The following PIGW variants were observed in gnomAD, a reference collection of about 807,000 sequenced individuals.
The protein encoded by PIGW is phosphatidylinositol glycan anchor biosynthesis class W, also known as glucosaminyl-phosphatidylinositol-acyltransferase PIGW.
In PIGW, 23 loss-of-function variants were observed where a neutral mutation model predicts 34.0. That is an observed-to-expected ratio of 0.68 (90% CI 0.49 to 0.96). The LOEUF (loss-of-function observed/expected upper bound fraction) is 0.96, where lower values mean the gene tolerates loss of function less well. PIGW is among the 40% of genes least tolerant of loss of function. The pLI is 0.00. For synonymous variants in PIGW, 225 were observed against 225.2 expected (o/e 1.00, Z 0.01); for missense variants, 574 against 586.3 (o/e 0.98, Z 0.22).
At chr17:36,536,524 CTTTTTTTTT>C (rs10715370) in intron 1 of PIGW, among the ~76,000 whole-genome samples, 2 of 125,532 alleles carry the variant, frequency 1.6e-5, no homozygotes, top group African/African-American at 2.9e-5. Context: ...TTTTCTTTTC[CTTTTTTTTT>C]TTTTTTTTTT....
rs1240854434 is a variant in PIGW at position 36,537,760 on chromosome 17, T to G, written c.659T>G (p.Ile220Arg). 6.2e-7 allele frequency: 1 copy of G among 1,614,192 alleles called. No individual in the cohort carries two copies. The highest frequency in any genetic ancestry group is 2.2e-5 in the East Asian group (1 of 44,886). The change falls in exon 2 of 2, where the codon ATA (isoleucine) becomes AGA (arginine). Residue 220 changes from isoleucine to arginine, a missense_variant. Coordinates refer to ENST00000614443, the MANE Select transcript of PIGW (RefSeq NM_001346754.2). ...CTAGGAATCGGACGATTAGCCATTA[T>G]AAAATCAATAGGCTATCAGGAACAT... Reference protein sequence around the residue: ...VFLGIGRLAIIKSIGYQEHLT... With the variant: ...VFLGIGRLAIRKSIGYQEHLT...
At position 36,537,236 on chromosome 17, in the gene PIGW, C is replaced by G. The variant is rs781294450; in HGVS notation, c.135C>G (p.Tyr45Ter). ...CRGFLIIFSQYLCSFSPTWKT... is the reference protein window; with the variant it reads ...CRGFLIIFSQ ...GGTTCCTGATCATTTTCTCACAGTA[C>G]TTGTGTTCTTTTTCACCTACCTGGA... Residue 45 changes from tyrosine (Y) to a stop codon, truncating the protein, a stop_gained, in exon 2 of 2, where the codon TAC (tyrosine) becomes TAG (stop). Transcript: ENST00000614443. LOFTEE classifies it high-confidence loss of function. The G allele has an allele frequency of 6.2e-7, 1 of 1,614,088 alleles. No individual in the cohort carries two copies. The highest frequency in any genetic ancestry group is 1.1e-5 in the South Asian group (1 of 91,082).
At position 36,537,416 on chromosome 17, in the gene PIGW, C is replaced by T. The variant is rs762452275; in HGVS notation, c.315C>T (p.Ala105=). The change falls in exon 2 of 2, where the codon GCC becomes GCT. Residue 105 remains alanine (A), a synonymous_variant. Coordinates refer to ENST00000614443, the MANE Select transcript of PIGW (RefSeq NM_001346754.2). ...YQIYRRRTCY[A]RLPFLKILEK... ...TATACCGAAGGAGGACCTGCTATGC[C>T]AGACTGCCTTTCCTAAAAATCCTTG... The T allele has an allele frequency of 3.1e-6, 5 of 1,613,984 alleles. No individual in the cohort carries two copies. Among genetic ancestry groups the T allele is most frequent in the Non-Finnish European group, 4.2e-6 (5 of 1,180,040 alleles).
chr17:36,537,143 CAA>C lies in PIGW; in HGVS notation c.43_44del (p.Asn15TrpfsTer41), dbSNP rs1314416011. The part of the protein sequence containing the change: ...QMKEAFVSNL[N>X]GTTVLEITQG... Reference sequence around the variant, plus strand: ...TGAAGGAAGCTTTTGTCAGTAACCTCAATGGAACCACCGTGCTGGAAATCACC... The same window carrying C: ...TGAAGGAAGCTTTTGTCAGTAACCTCTGGAACCACCGTGCTGGAAATCACC... On this transcript the variant is annotated frameshift_variant, in exon 2 of 2. Coordinates refer to ENST00000614443, the MANE Select transcript of PIGW (RefSeq NM_001346754.2). LOFTEE classifies it high-confidence loss of function. 6.2e-7 allele frequency: 1 copy of C among 1,610,962 alleles called. No homozygotes were observed. The highest frequency in any genetic ancestry group is 1.3e-5 in the African/African-American group (1 of 74,726).
At chr17:36,536,431 T>C (rs185054642) in intron 1 of PIGW, among the ~76,000 whole-genome samples, 313 of 152,332 alleles carry the variant, frequency 2.1e-3, no homozygotes, top group African/African-American at 7.2e-3. Context: ...TGATACGTAC[T>C]GTGCTCCATA....
At chr17:36,536,689 A>G (rs557116283) in intron 1 of PIGW, among the ~76,000 whole-genome samples, 1 of 151,522 alleles carries the variant, frequency 6.6e-6, no homozygotes, top group East Asian at 1.9e-4. Flanking sequence ...TAATTTTTGT[A>G]TTTTTAGTAG....
In PIGW at chr17:36,535,527, G is replaced by C. The variant is rs1433306683; in HGVS notation, c.-74G>C. The C allele has an allele frequency of 1.3e-5, 2 of 152,280 alleles. No homozygotes were observed. Among genetic ancestry groups the C allele is most frequent in the Non-Finnish European group, 2.9e-5 (2 of 68,064 alleles). 9.4% of individuals were successfully genotyped at this position (152,280 alleles called of 1,614,324 possible). On this transcript the variant is annotated 5_prime_UTR_variant, in exon 1 of 2. Transcript: ENST00000614443. ...GGCTGGTTCCCGCGTGGTTTGGCGG[G>C]TGCAGCGGCAGTCCGGCTGCCCTTC...
rs1289299909 is a variant in PIGW, at chr17:36,538,254, C to T, written c.1153C>T (p.Leu385Phe). The T allele has an allele frequency of 2.7e-5, 43 of 1,613,176 alleles. No homozygotes were observed. The highest frequency in any genetic ancestry group is 3.5e-5 in the Non-Finnish European group (41 of 1,180,010). Residue 385 changes from leucine to phenylalanine, a missense_variant, in exon 2 of 2, where the codon CTT becomes TTT. Physicochemically the swap from Leu to Phe is conservative, Grantham distance 22 (BLOSUM62 0). Transcript: ENST00000614443. ...IWIVASSLIL[L>F]SSLLLGDIIL... ...GATAGTTGCTTCTAGCCTGATCCTT[C>T]TTAGTAGTTTATTACTGGGTGATAT... is the stretch of plus-strand genomic sequence containing the variant.
chr17:36,537,394 A>T lies in PIGW; in HGVS notation c.293A>T (p.Tyr98Phe). ...GGGGCAGGGCTGTTGTATCAAATAT[A>T]CCGAAGGAGGACCTGCTATGCCAGA... is the stretch of plus-strand genomic sequence containing the variant. ...IFGAGLLYQI[Y>F]RRRTCYARLP... Residue 98 changes from tyrosine to phenylalanine, a missense_variant, in exon 2 of 2, where the codon TAC (tyrosine) becomes TTC (phenylalanine). Coordinates refer to ENST00000614443, the MANE Select transcript of PIGW (RefSeq NM_001346754.2). 1 of 1,613,894 alleles carries T rather than the reference A, an allele frequency of 6.2e-7. No homozygotes were observed. The highest frequency in any genetic ancestry group is 8.5e-7 in the Non-Finnish European group (1 of 1,180,002).
In PIGW at chr17:36,538,938, G is replaced by C. The variant is rs1382186863; in HGVS notation, c.*322G>C. 4.9e-6 allele frequency: 1 copy of C among 204,600 alleles called. No homozygotes were observed. Among genetic ancestry groups the C allele is most frequent in the Non-Finnish European group, 1.1e-5 (1 of 93,396 alleles). 12.7% of individuals were successfully genotyped at this position (204,600 alleles called of 1,614,324 possible). On this transcript the variant is annotated 3_prime_UTR_variant, in exon 2 of 2. Coordinates refer to ENST00000614443, the MANE Select transcript of PIGW (RefSeq NM_001346754.2). ...CCAGCTAATTTTTATATTTTTAGTA[G>C]AGATGGGGTTTTGCCATATTGGCCA...
In PIGW at chr17:36,537,386, T is replaced by G; in HGVS notation, c.285T>G (p.Tyr95Ter). 1 of 1,614,020 alleles carries G rather than the reference T, an allele frequency of 6.2e-7. No individual in the cohort carries two copies. The highest frequency in any genetic ancestry group is 8.5e-7 in the Non-Finnish European group (1 of 1,180,024). Residue 95 changes from tyrosine (Y) to a stop codon, truncating the protein, a stop_gained, in exon 2 of 2, where the codon TAT (tyrosine) becomes TAG (stop). Coordinates refer to ENST00000614443, the MANE Select transcript of PIGW (RefSeq NM_001346754.2). LOFTEE classifies it high-confidence loss of function. ...GVIIFGAGLL[Y>*]QIYRRRTCYA... ...TTATCTTTGGGGCAGGGCTGTTGTATCAAATATACCGAAGGAGGACCTGCT... is the reference window on the plus strand; with the variant it reads ...TTATCTTTGGGGCAGGGCTGTTGTAGCAAATATACCGAAGGAGGACCTGCT...
chr17:36,536,028 A>G (rs2074110238), intron 1 of PIGW, among the ~76,000 whole-genome samples: 1 of 152,162 alleles, frequency 6.6e-6, no homozygotes, highest in Non-Finnish European at 1.5e-5. Context: ...AGCTCATGGT[A>G]CATTTAGAAA....
Position 36,538,707 on chromosome 17 carries a change from C to A in PIGW, c.*91C>A. 1.9e-6 allele frequency: 2 copies of A among 1,059,896 alleles called. No homozygotes were observed. Among genetic ancestry groups the A allele is most frequent in the South Asian group, 1.7e-5 (1 of 59,202 alleles). 65.7% of individuals were successfully genotyped at this position (1,059,896 alleles called of 1,614,324 possible). Reference sequence around the variant, plus strand: ...TTGTGCTTTTGGCAACAGTGTTAACCATATTTTATTATAAAATAGTTTCAG... The same window carrying A: ...TTGTGCTTTTGGCAACAGTGTTAACAATATTTTATTATAAAATAGTTTCAG... On this transcript the variant is annotated 3_prime_UTR_variant, in exon 2 of 2. Coordinates refer to ENST00000614443, the MANE Select transcript of PIGW (RefSeq NM_001346754.2).
chr17:36,538,161 CTT>C lies in PIGW; in HGVS notation c.1062_1063del (p.Tyr355ArgfsTer26), dbSNP rs771195727. On this transcript the variant is annotated frameshift_variant, in exon 2 of 2. Coordinates refer to ENST00000614443, the MANE Select transcript of PIGW (RefSeq NM_001346754.2). LOFTEE classifies it high-confidence loss of function. ...GGCAGCTATTAGCCTCTTCATATCT[CTT>C]TACGTAGTTCAAGTAAATGTAGAAG... ...LLAAISLFIS[L>X]YVVQVNVEAV... The C allele has an allele frequency of 1.9e-6, 3 of 1,613,854 alleles. No individual in the cohort carries two copies. Among genetic ancestry groups the C allele is most frequent in the South Asian group, 2.2e-5 (2 of 91,090 alleles).
chr17:36,538,049 C>T lies in PIGW; in HGVS notation c.948C>T (p.His316=). The change falls in exon 2 of 2, where the codon CAC becomes CAT. Residue 316 remains histidine, a synonymous_variant. Coordinates refer to ENST00000614443, the MANE Select transcript of PIGW (RefSeq NM_001346754.2). Reference sequence around the variant, plus strand: ...CTACCCTGGGGTATGTGGCAATACACATGGCTGGTGTGCAAACAGGGTTAT... The same window carrying T: ...CTACCCTGGGGTATGTGGCAATACATATGGCTGGTGTGCAAACAGGGTTAT... ...IISTLGYVAI[H]MAGVQTGLYM... is the part of the protein sequence containing the mutation. 6.2e-6 allele frequency: 10 copies of T among 1,614,146 alleles called. No individual in the cohort carries two copies. The highest frequency in any genetic ancestry group is 8.5e-6 in the Non-Finnish European group (10 of 1,180,032).
chr17:36,537,323 T>C lies in PIGW; in HGVS notation c.222T>C (p.Ile74=), dbSNP rs1161394776. 8.1e-6 allele frequency: 13 copies of C among 1,614,062 alleles called. No homozygotes were observed. The highest frequency in any genetic ancestry group is 2.2e-5 in the East Asian group (1 of 44,880). Residue 74 remains isoleucine (I), a synonymous_variant, in exon 2 of 2, where the codon ATT becomes ATC. Transcript: ENST00000614443. ...LIVPMVATLT[I]WASFILLELL... ...TTCCCATGGTAGCCACTTTGACCATTTGGGCTTCATTTATCCTCCTTGAGC... is the reference window on the plus strand; with the variant it reads ...TTCCCATGGTAGCCACTTTGACCATCTGGGCTTCATTTATCCTCCTTGAGC...
In PIGW at chr17:36,537,349, T is replaced by G. The variant is rs756420563; in HGVS notation, c.248T>G (p.Leu83Arg). 12 of 1,613,866 alleles carry G rather than the reference T, an allele frequency of 7.4e-6. No individual in the cohort carries two copies. Among genetic ancestry groups the G allele is most frequent in the Non-Finnish European group, 9.3e-6 (11 of 1,180,034 alleles). The change falls in exon 2 of 2, where the codon CTT becomes CGT. Residue 83 changes from leucine (L) to arginine (R), a missense_variant. By Grantham distance (102) the Leu-to-Arg change is moderately radical. Transcript: ENST00000614443. ...TIWASFILLE[L>R]LGVIIFGAGL... ...TGGGCTTCATTTATCCTCCTTGAGC[T>G]TCTCGGTGTAATTATCTTTGGGGCA... is the stretch of plus-strand genomic sequence containing the variant.
At position 36,537,606 on chromosome 17, in the gene PIGW, T is replaced by G. The variant is rs755979482; in HGVS notation, c.505T>G (p.Phe169Val). Residue 169 changes from phenylalanine (F) to valine (V), a missense_variant, in exon 2 of 2, where the codon TTT becomes GTT. Phe to Val is a conservative substitution (Grantham distance 50). Transcript: ENST00000614443. ...GCTCTATGGGACAGGAGCAATGGATTTTGGAGTAGGTGGCTTTGTTTTTGG... is the reference window on the plus strand; with the variant it reads ...GCTCTATGGGACAGGAGCAATGGATGTTGGAGTAGGTGGCTTTGTTTTTGG... ...TELYGTGAMDFGVGGFVFGSA... is the reference protein window; with the variant it reads ...TELYGTGAMDVGVGGFVFGSA... 2 of 1,614,002 alleles carry G rather than the reference T, an allele frequency of 1.2e-6. No individual in the cohort carries two copies. Among genetic ancestry groups the G allele is most frequent in the East Asian group, 4.5e-5 (2 of 44,896 alleles).
Position 36,538,270 on chromosome 17 carries a change from T to C in PIGW, c.1169T>C (p.Leu390Pro), listed in dbSNP as rs1425282416. Residue 390 changes from leucine to proline, a missense_variant, in exon 2 of 2, where the codon CTG becomes CCG. Leu to Pro is a moderately conservative substitution (Grantham distance 98). Coordinates refer to ENST00000614443, the MANE Select transcript of PIGW (RefSeq NM_001346754.2). ...SSLILLSSLL[L>P]GDIILSFAKF... is the part of the protein sequence containing the mutation. The stretch of plus-strand genomic sequence containing the variant: ...CTGATCCTTCTTAGTAGTTTATTAC[T>C]GGGTGATATAATTTTGAGTTTTGCC... The C allele has an allele frequency of 1.2e-6, 2 of 1,613,372 alleles. No individual in the cohort carries two copies. Among genetic ancestry groups the C allele is most frequent in the Admixed American group, 1.7e-5 (1 of 59,984 alleles).
Sources: gnomAD v4.1 joint callset for allele counts (sites outside exome capture counted in the v4.1 genomes callset) on GRCh38, gnomAD v4.1.1 for gene constraint, MANE v1.5 for transcripts, NCBI Gene and HGNC (gene_info 2026-07-23, HGNC 2026-07-21) for gene names.